Variants in URB2 observed in about 807,000 individuals in gnomAD.
URB2 encodes unhealthy ribosome biogenesis protein 2 homolog.
A neutral mutation model predicts 120.9 loss-of-function variants in URB2; 86 were observed. The observed-to-expected ratio is 0.71, with a 90% CI of 0.60 to 0.85. The LOEUF (loss-of-function observed/expected upper bound fraction) is 0.85. URB2 is among the 40% of genes least tolerant of loss of function. The probability of loss-of-function intolerance (pLI) is 0.00; values close to 1 mark genes in which losing one functional copy is unlikely to be tolerated. For synonymous variants in URB2, 755 were observed against 758.4 expected (o/e 1.00, Z 0.07); for missense variants, 1,765 against 1,836.5 (o/e 0.96, Z 0.71).
intron 2 of URB2, among the ~76,000 whole-genome samples, chr1:229,630,831 A>C (rs1665642177): frequency 6.6e-6 from 1 of 151,990 alleles, no homozygotes; most frequent in South Asian, 2.1e-4. Flanking sequence ...AATAAAAAAA[A>C]ATTAGCCAGG....
chr1:229,631,604 A>G (rs774955856), intron 2 of URB2, among the ~76,000 whole-genome samples: 1 of 152,202 alleles, frequency 6.6e-6, no homozygotes, highest in Non-Finnish European at 1.5e-5. Flanking sequence ...TTGCGTCTCA[A>G]GGAATAGGAA....
intron 2 of URB2, among the ~76,000 whole-genome samples, chr1:229,628,525 C>T (rs1046675109): frequency 6.6e-6 from 1 of 152,090 alleles, no homozygotes; most frequent in African/African-American, 2.4e-5. Flanking sequence ...AATTAAGTTA[C>T]AGAAGTTAGG....
In URB2 at chr1:229,636,659, G is replaced by A. The variant is rs1253342311; in HGVS notation, c.2046G>A (p.Met682Ile). ...YCLEQLYLQK[M>I]KRTLMQTSFR... is the part of the protein sequence containing the mutation. ...TAGAACAGCTGTACCTGCAGAAAAT[G>A]AAAAGGACTTTAATGCAAACTAGTT... Residue 682 changes from methionine (M) to isoleucine (I), a missense_variant, in exon 4 of 10, where the codon ATG becomes ATA. Physicochemically the swap from Met to Ile is conservative, Grantham distance 10. Coordinates refer to ENST00000258243, the MANE Select transcript of URB2 (RefSeq NM_014777.4). 2 of 1,614,202 alleles carry A rather than the reference G, an allele frequency of 1.2e-6. No individual in the cohort carries two copies. Among genetic ancestry groups the A allele is most frequent in the Non-Finnish European group, 1.7e-6 (2 of 1,180,046 alleles).
rs372634797 is a variant in URB2, at chr1:229,645,953, T to C, written c.3890T>C (p.Ile1297Thr). 23 of 1,614,030 alleles carry C rather than the reference T, an allele frequency of 1.4e-5. No homozygotes were observed. The highest frequency in any genetic ancestry group is 1.8e-5 in the Non-Finnish European group (21 of 1,180,018). ...ASLLWRACPQ[I>T]VTALTLLNRE... The stretch of plus-strand genomic sequence containing the variant: ...CTGTTGTGGCGTGCGTGTCCCCAGA[T>C]AGTCACAGCTTTAACAGTGAGTACC... The change falls in exon 6 of 10, where the codon ATA becomes ACA. Residue 1297 changes from isoleucine (I) to threonine (T), a missense_variant. By Grantham distance (89) the Ile-to-Thr change is moderately conservative. Coordinates refer to ENST00000258243, the MANE Select transcript of URB2 (RefSeq NM_014777.4).
chr1:229,657,187 T>C (rs1378186201), intron 9 of URB2, among the ~76,000 whole-genome samples: 7 of 152,262 alleles, frequency 4.6e-5, no homozygotes, highest in Non-Finnish European at 1.0e-4. Context: ...TAAAAGCTAC[T>C]TAGTGATGTT....
In URB2 at chr1:229,647,689, G is replaced by A. The variant is rs754334241; in HGVS notation, c.4086G>A (p.Glu1362=). 1.9e-5 allele frequency: 30 copies of A among 1,614,154 alleles called. No individual in the cohort carries two copies. Among genetic ancestry groups the A allele is most frequent in the Non-Finnish European group, 2.5e-5 (29 of 1,180,020 alleles). Residue 1362 remains glutamate (E), a synonymous_variant, in exon 7 of 10, where the codon GAG becomes GAA. Coordinates refer to ENST00000258243, the MANE Select transcript of URB2 (RefSeq NM_014777.4). ...TVPLDHLKPL[E]YGSVFPRLHN... Reference sequence around the variant, plus strand: ...CTTTGGACCATCTGAAGCCGCTGGAGTATGGAAGCGTCTTCCCGAGGCTGC... The same window carrying A: ...CTTTGGACCATCTGAAGCCGCTGGAATATGGAAGCGTCTTCCCGAGGCTGC...
At chr1:229,657,693 G>A (rs954618320) in intron 9 of URB2, among the ~76,000 whole-genome samples, 11 of 151,866 alleles carry the variant, frequency 7.2e-5, no homozygotes, top group African/African-American at 2.2e-4. Context: ...TTCTACCTTC[G>A]GTCCTTGAGT....
At chr1:229,642,383 T>C (rs1414755784) in intron 4 of URB2, among the ~76,000 whole-genome samples, 2 of 152,110 alleles carry the variant, frequency 1.3e-5, no homozygotes. Context: ...GGTCCAGGGT[T>C]TTACAGCTTG....
chr1:229,644,906 A>C (rs1265372603), intron 5 of URB2, among the ~76,000 whole-genome samples: 2 of 152,144 alleles, frequency 1.3e-5, no homozygotes, highest in African/African-American at 4.8e-5. Context: ...CTTATTTTTC[A>C]AAGGGGAAGT....
intron 8 of URB2, among the ~76,000 whole-genome samples, chr1:229,652,295 A>G: frequency 6.6e-6 from 1 of 152,226 alleles, no homozygotes; most frequent in East Asian, 1.9e-4. Context: ...GCTAAGCAGT[A>G]GGTCAGGGTG....
intron 7 of URB2, among the ~76,000 whole-genome samples, chr1:229,650,325 G>A (rs553438795): frequency 1.4e-4 from 22 of 152,304 alleles, no homozygotes; most frequent in Admixed American, 4.6e-4. Flanking sequence ...TAATTTAAAT[G>A]TAAGTAGTCA....
chr1:229,632,403 C>T lies in URB2; in HGVS notation c.261C>T (p.Leu87=), dbSNP rs1345451987. 2.5e-6 allele frequency: 4 copies of T among 1,581,532 alleles called. No individual in the cohort carries two copies. In the African/African-American group the frequency reaches 4.1e-5, roughly 16 times the overall value. Residue 87 remains leucine (L), a synonymous_variant, in exon 3 of 10, where the codon CTC becomes CTT. Coordinates refer to ENST00000258243, the MANE Select transcript of URB2 (RefSeq NM_014777.4). ...ATAGCAGAAAATTGCAGAATCTCCTCAAGAATGGAAAGACCATTAATCTTC... is the reference window on the plus strand; with the variant it reads ...ATAGCAGAAAATTGCAGAATCTCCTTAAGAATGGAAAGACCATTAATCTTC... ...ILHSRKLQNL[L]KNGKTINLQI... is the part of the protein sequence containing the mutation.
Position 229,636,689 on chromosome 1 carries a change from G to A in URB2, c.2076G>A (p.Arg692=). 6.2e-7 allele frequency: 1 copy of A among 1,614,180 alleles called. No individual in the cohort carries two copies. Among genetic ancestry groups the A allele is most frequent in the Non-Finnish European group, 8.5e-7 (1 of 1,180,028 alleles). The change falls in exon 4 of 10, where the codon CGG becomes CGA. Residue 692 remains arginine, a synonymous_variant. Coordinates refer to ENST00000258243, the MANE Select transcript of URB2 (RefSeq NM_014777.4). Reference sequence around the variant, plus strand: ...GGACTTTAATGCAAACTAGTTTCCGGTCTGAAGGAGCCATCCAAAGTTTGA... The same window carrying A: ...GGACTTTAATGCAAACTAGTTTCCGATCTGAAGGAGCCATCCAAAGTTTGA... ...MKRTLMQTSF[R]SEGAIQSLRC...
intron 9 of URB2, among the ~76,000 whole-genome samples, chr1:229,658,608 CTGCTGCCT>C: frequency 6.6e-6 from 1 of 152,260 alleles, no homozygotes; most frequent in African/African-American, 2.4e-5. Context: ...CAGAGCCTGC[CTGCTGCCT>C]TGCTCTGGGG....
chr1:229,643,394 C>A, intron 4 of URB2, 139 bp from the exon 5 acceptor site: 1 of 921,632 alleles, frequency 1.1e-6, no homozygotes, highest in Non-Finnish European at 1.7e-6. Context: ...CTGCTTTTTC[C>A]ACCAGTGCTT....
At position 229,636,671 on chromosome 1, in the gene URB2, A is replaced by G; in HGVS notation, c.2058A>G (p.Leu686=). The G allele has an allele frequency of 1.2e-6, 2 of 1,614,226 alleles. No homozygotes were observed. The highest frequency in any genetic ancestry group is 1.1e-5 in the South Asian group (1 of 91,088). Reference sequence around the variant, plus strand: ...ACCTGCAGAAAATGAAAAGGACTTTAATGCAAACTAGTTTCCGGTCTGAAG... The same window carrying G: ...ACCTGCAGAAAATGAAAAGGACTTTGATGCAAACTAGTTTCCGGTCTGAAG... ...QLYLQKMKRT[L]MQTSFRSEGA... Residue 686 remains leucine (L), a synonymous_variant, in exon 4 of 10, where the codon TTA becomes TTG. Transcript: ENST00000258243.
intron 4 of URB2, among the ~76,000 whole-genome samples, chr1:229,642,019 A>T (rs548242241): frequency 6.6e-6 from 1 of 151,078 alleles, no homozygotes; most frequent in Non-Finnish European, 1.5e-5. Flanking sequence ...CCAGAAACAT[A>T]AAAAAAACCA....
At position 229,628,191 on chromosome 1, in the gene URB2, A is replaced by ATGTATATATATTATACATATACATAT. The variant is rs1665570431; in HGVS notation, c.126+433_126+434insGTATATATATTATACATATACATATT. Among the ~76,000 whole-genome samples the ATGTATATATATTATACATATACATAT allele has an allele frequency of 8.2e-5, 7 of 85,654 alleles. No homozygotes were observed. The East Asian group carries it at 8.8e-4, about 11-fold the overall frequency. 56.2% of individuals were successfully genotyped at this position (85,654 alleles called of 152,430 possible). The stretch of plus-strand genomic sequence containing the variant: ...AGTATATATGTATATAATATATATA[A>ATGTATATATATTATACATATACATAT]TATATATGTATATATATTATACATA... On this transcript the variant is annotated intron_variant, in intron 2 of 9. Coordinates refer to ENST00000258243, the MANE Select transcript of URB2 (RefSeq NM_014777.4).
chr1:229,652,335 A>G (rs1267254187), intron 8 of URB2, among the ~76,000 whole-genome samples: 2 of 152,138 alleles, frequency 1.3e-5, no homozygotes, highest in African/African-American at 2.4e-5. Context: ...ACCATAACTC[A>G]ACTCGGGGTG....
Sources: gnomAD v4.1 joint callset for allele counts (sites outside exome capture counted in the v4.1 genomes callset) on GRCh38, gnomAD v4.1.1 for gene constraint, MANE v1.5 for transcripts, NCBI Gene and HGNC (gene_info 2026-07-23, HGNC 2026-07-21) for gene names.